Variants in ZC3H18 observed in about 807,000 individuals in gnomAD.
ZC3H18 encodes the protein zinc finger CCCH domain-containing protein 18.
In ZC3H18, 8 loss-of-function variants were observed where a neutral mutation model predicts 106.1. That is an observed-to-expected ratio of 0.08 (90% CI 0.04 to 0.14). The LOEUF (loss-of-function observed/expected upper bound fraction) is 0.14. Among genes scored for constraint, ZC3H18 ranks in the 10% least tolerant of loss-of-function variants. ZC3H18 has a pLI of 1.00. For missense variants in ZC3H18, 1,318 were observed against 1,278.4 expected, an observed-to-expected ratio of 1.03 and a Z score of -0.47; for synonymous variants, 635 against 522.1, an observed-to-expected ratio of 1.22 and a Z score of -2.95.
At position 88,631,373 on chromosome 16, in the gene ZC3H18, G is replaced by A; in HGVS notation, c.*74G>A. ...AGCCATTTTGGATTTTGCAGTTAAT[G>A]TCTTATTTTGGCTGTGATTCTTTTT... is the stretch of plus-strand genomic sequence containing the variant. On this transcript the variant is annotated 3_prime_UTR_variant, in exon 18 of 18. Transcript: ENST00000301011. The A allele has an allele frequency of 6.6e-7, 1 of 1,517,068 alleles. No individual in the cohort carries two copies. The highest frequency in any genetic ancestry group is 2.1e-5 in the Admixed American group (1 of 48,682). The allele number at this position is 1,517,068 out of a possible 1,614,324, so 94.0% of individuals were successfully genotyped here. A position where few individuals can be genotyped will look rare whatever the true frequency, so the allele number is the denominator to read the frequency against.
intron 7 of ZC3H18, among the ~76,000 whole-genome samples, chr16:88,609,582 A>G (rs1905177013): frequency 6.6e-6 from 1 of 150,674 alleles, no homozygotes; most frequent in Non-Finnish European, 1.5e-5. Context: ...GATTAAAGAC[A>G]TGAGCCACTG....
At chr16:88,582,974 A>G (rs1018465037) in intron 2 of ZC3H18, among the ~76,000 whole-genome samples, 15 of 152,172 alleles carry the variant, frequency 9.9e-5, no homozygotes, top group African/African-American at 3.4e-4. Context: ...ACCTGGCCCC[A>G]CAGGTTTCAG....
intron 2 of ZC3H18, among the ~76,000 whole-genome samples, chr16:88,579,357 A>G (rs963939673): frequency 6.6e-6 from 1 of 152,000 alleles, no homozygotes; most frequent in Non-Finnish European, 1.5e-5. Context: ...CCCTGTCTGC[A>G]CCACCACTGG....
intron 3 of ZC3H18, chr16:88,587,628 A>G: frequency 2.6e-6 from 4 of 1,531,614 alleles, no homozygotes; most frequent in East Asian, 2.4e-5. Flanking sequence ...AAAATACGCT[A>G]TATTCACTCT....
chr16:88,589,924 A>T (rs1259160368), intron 3 of ZC3H18, among the ~76,000 whole-genome samples: 2 of 152,266 alleles, frequency 1.3e-5, no homozygotes, highest in Non-Finnish European at 2.9e-5. Flanking sequence ...AGTGAATTGT[A>T]CACATTAAAT....
chr16:88,577,759 T>C, intron 2 of ZC3H18, 33 bp downstream of exon 2: 1 of 1,612,022 alleles, frequency 6.2e-7, no homozygotes, highest in Non-Finnish European at 8.5e-7. Flanking sequence ...TCGCGGGGCA[T>C]CCTGCCCAGC....
intron 2 of ZC3H18, among the ~76,000 whole-genome samples, chr16:88,578,156 A>G (rs1914880509): frequency 6.6e-6 from 1 of 152,124 alleles, no homozygotes; most frequent in South Asian, 2.1e-4. Context: ...GAATGAGGAA[A>G]TTTTCCATCT....
Position 88,622,234 on chromosome 16 carries a change from A to G in ZC3H18, c.1513A>G (p.Thr505Ala), listed in dbSNP as rs2142803805. 3.1e-6 allele frequency: 5 copies of G among 1,612,782 alleles called. No individual in the cohort carries two copies. The highest frequency in any genetic ancestry group is 4.2e-6 in the Non-Finnish European group (5 of 1,179,096). ...GCCACCAAAGAAGGAGGCTGCCACC[A>G]CGGGGCCGCAGGTGAAGAGAGCAGA... ...AEPPKKEAAT[T>A]GPQVKRADEW... Residue 505 changes from threonine to alanine, a missense_variant, in exon 9 of 18, where the codon ACG (threonine) becomes GCG (alanine). Physicochemically the swap from Thr to Ala is moderately conservative, Grantham distance 58. Coordinates refer to ENST00000301011, the MANE Select transcript of ZC3H18 (RefSeq NM_144604.4).
chr16:88,614,055 C>T (rs755074054), intron 8 of ZC3H18, among the ~76,000 whole-genome samples: 30 of 152,344 alleles, frequency 2.0e-4, no homozygotes, highest in Non-Finnish European at 3.5e-4. Context: ...GGAAACAGCC[C>T]GAGATCCTTC....
chr16:88,577,801 G>C, intron 2 of ZC3H18, 75 bp downstream of exon 2: 1 of 1,606,722 alleles, frequency 6.2e-7, no homozygotes, highest in African/African-American at 1.3e-5. Context: ...GGAAAGGAGG[G>C]ACTCTGTGTG....
In ZC3H18 at chr16:88,620,847, A is replaced by G. The variant is rs28505781; in HGVS notation, c.1476-1350A>G. ...AGATTTATATATAAGGGGTCAGTTT[A>G]ATATCATTTGTGTTTGGGTTTTTTT... On this transcript the variant is annotated intron_variant, in intron 8 of 17. Coordinates refer to ENST00000301011, the MANE Select transcript of ZC3H18 (RefSeq NM_144604.4). Among the ~76,000 whole-genome samples the G allele has an allele frequency of 8.6e-3, 1,315 of 152,082 alleles. 7 individuals carry two copies. Among genetic ancestry groups the G allele is most frequent in the Middle Eastern group, 0.027 (8 of 294 alleles).
intron 1 of ZC3H18, among the ~76,000 whole-genome samples, chr16:88,574,895 T>C (rs1444865379): frequency 1.3e-5 from 2 of 149,394 alleles, no homozygotes; most frequent in East Asian, 3.9e-4. Context: ...AATGGCGCGA[T>C]CTCGGCTCAC....
At chr16:88,587,400 G>C (rs1467765042) in intron 3 of ZC3H18, 2 of 665,456 alleles carry the variant, frequency 3.0e-6, no homozygotes, top group African/African-American at 3.6e-5. Context: ...CATATTTCTT[G>C]TAATTCAGCG....
intron 1 of ZC3H18, among the ~76,000 whole-genome samples, chr16:88,572,179 C>A (rs997688249): frequency 6.6e-6 from 1 of 152,238 alleles, no homozygotes; most frequent in Admixed American, 6.5e-5. Context: ...CAGAAGACTT[C>A]TTTAGGCTTG....
At chr16:88,588,922 T>G (rs550415270) in intron 3 of ZC3H18, among the ~76,000 whole-genome samples, 3 of 152,046 alleles carry the variant, frequency 2.0e-5, no homozygotes, top group East Asian at 1.9e-4. Context: ...TAAGGCAGCA[T>G]TTTTGCGGCT....
chr16:88,612,778 G>T (rs1905344576), intron 8 of ZC3H18, among the ~76,000 whole-genome samples: 1 of 152,088 alleles, frequency 6.6e-6, no homozygotes, highest in Non-Finnish European at 1.5e-5. Context: ...GGGATGGACA[G>T]ATTGCTTGAG....
chr16:88,629,698 C>T lies in ZC3H18; in HGVS notation c.2567-787C>T, dbSNP rs573348573. Reference sequence around the variant, plus strand: ...GAACCACACAGACCTGAAAGGGCCTCGGGGACCCCCAGCCATGCTGACCAC... The same window carrying T: ...GAACCACACAGACCTGAAAGGGCCTTGGGGACCCCCAGCCATGCTGACCAC... On this transcript the variant is annotated intron_variant, in intron 16 of 17. Coordinates refer to ENST00000301011, the MANE Select transcript of ZC3H18 (RefSeq NM_144604.4). Among the ~76,000 whole-genome samples the T allele has an allele frequency of 1.6e-4, 24 of 152,260 alleles. No homozygotes were observed. In the South Asian group the frequency reaches 3.7e-3, roughly 24 times the overall value.
At chr16:88,596,794 CA>C (rs1904462979) in intron 3 of ZC3H18, among the ~76,000 whole-genome samples, 1 of 152,236 alleles carries the variant, frequency 6.6e-6, no homozygotes, top group Admixed American at 6.5e-5. Flanking sequence ...TTTTCAGAGG[CA>C]AACCATGAAG....
chr16:88,619,968 C>A (rs1905858905), intron 8 of ZC3H18, among the ~76,000 whole-genome samples: 1 of 152,190 alleles, frequency 6.6e-6, no homozygotes, highest in Non-Finnish European at 1.5e-5. Flanking sequence ...TCCTGGATTA[C>A]TTTTCCAGGA....
Sources: allele counts gnomAD v4.1 joint callset (sites outside exome capture counted in the v4.1 genomes callset), GRCh38; gene constraint gnomAD v4.1.1; transcripts MANE v1.5; gene names NCBI Gene and HGNC (gene_info 2026-07-23, HGNC 2026-07-21).